Variants in RGS3 observed in about 807,000 individuals in gnomAD.
The protein encoded by RGS3 is regulator of G protein signaling 3.
A neutral mutation model predicts 132.6 loss-of-function variants in RGS3; 80 were observed. The ratio of observed to expected loss-of-function variants is 0.60; its 90% confidence interval spans 0.50 to 0.73. The LOEUF (loss-of-function observed/expected upper bound fraction) is 0.73. Among genes scored for constraint, RGS3 ranks in the 30% least tolerant of loss-of-function variants. The pLI is 0.00. For missense variants in RGS3, 1,382 were observed against 1,530.8 expected (o/e 0.90, Z 1.62); for synonymous variants, 598 against 620.6 (o/e 0.96, Z 0.54).
At position 113,449,699 on chromosome 9, in the gene RGS3, T is replaced by G. The variant is rs189809055; in HGVS notation, c.-13+4772T>G. Among the ~76,000 whole-genome samples, 25 of 152,314 alleles carry G rather than the reference T, an allele frequency of 1.6e-4. 1 individual carries two copies. Among genetic ancestry groups the G allele is most frequent in the Non-Finnish European group, 8.8e-5 (6 of 68,022 alleles). On this transcript the variant is annotated intron_variant, in intron 1 of 25. Transcript: ENST00000374140. ...ATGATTTATGTCTTATACACTGATTTTAGAACCAAATTCCCAAGCCAGATT... is the reference window on the plus strand; with the variant it reads ...ATGATTTATGTCTTATACACTGATTGTAGAACCAAATTCCCAAGCCAGATT...
Position 113,484,088 on chromosome 9 carries a change from T to C in RGS3, c.526-50T>C, listed in dbSNP as rs375978084. 1.5e-5 allele frequency: 17 copies of C among 1,125,874 alleles called. No homozygotes were observed. In the African/African-American group the frequency reaches 2.6e-4, roughly 17 times the overall value. 69.7% of individuals were successfully genotyped at this position (1,125,874 alleles called of 1,614,324 possible). On this transcript the variant is annotated intron_variant, in intron 5 of 24. Transcript: ENST00000350696. ...GATGTGCAGAGTCAGCTGCTGGGCTTAGGTGGGCCATGAGATCCGCTAATC... is the reference window on the plus strand; with the variant it reads ...GATGTGCAGAGTCAGCTGCTGGGCTCAGGTGGGCCATGAGATCCGCTAATC...
At chr9:113,562,952 C>T (rs983635269) in intron 19 of RGS3, among the ~76,000 whole-genome samples, 7 of 152,360 alleles carry the variant, frequency 4.6e-5, no homozygotes, top group Non-Finnish European at 8.8e-5. Context: ...CCCTATCCTG[C>T]CCTAGGCTAT....
intron 19 of RGS3, among the ~76,000 whole-genome samples, chr9:113,556,584 C>A (rs1020332069): frequency 6.6e-6 from 1 of 152,172 alleles, no homozygotes; most frequent in Non-Finnish European, 1.5e-5. Context: ...TAATCCCAAG[C>A]ACCTGGCTCC....
chr9:113,597,509 C>T (rs531767687), exon 25 of RGS3: 2 of 152,936 alleles, frequency 1.3e-5, no homozygotes, highest in East Asian at 1.9e-4. Context: ...CAAAGGTGGA[C>T]ACCATTCTCC....
chr9:113,595,683 A>G (rs760486637), exon 24 of RGS3: 8 of 1,614,078 alleles, frequency 5.0e-6, no homozygotes, highest in Non-Finnish European at 6.8e-6. Flanking sequence ...GAGGACTTCA[A>G]GAAGGTCAAG....
At chr9:113,546,225 C>T (rs1040809337) in intron 19 of RGS3, among the ~76,000 whole-genome samples, 4 of 152,200 alleles carry the variant, frequency 2.6e-5, no homozygotes, top group Admixed American at 2.0e-4. Context: ...GTTGACTGCC[C>T]TCCTTGGCTG....
intron 19 of RGS3, among the ~76,000 whole-genome samples, chr9:113,567,299 G>T (rs1834057817): frequency 7.1e-6 from 1 of 139,922 alleles, no homozygotes; most frequent in African/African-American, 2.7e-5. Context: ...ACTCCAGCCA[G>T]AATGAGTCTG....
At chr9:113,522,710 TG>T (rs1302890773) in intron 16 of RGS3, 2 of 541,470 alleles carry the variant, frequency 3.7e-6, no homozygotes, top group Admixed American at 3.2e-5. Context: ...CTTTGAGGAG[TG>T]GAAGTATAGG....
intron 1 of RGS3, among the ~76,000 whole-genome samples, chr9:113,452,925 T>TC (rs1200271666): frequency 2.1e-4 from 29 of 136,606 alleles, no homozygotes; most frequent in African/African-American, 7.9e-4. Context: ...TATTTATATA[T>TC]AATATATAAA....
intron 18 of RGS3, chr9:113,536,502 T>C: frequency 9.2e-7 from 1 of 1,082,792 alleles, no homozygotes; most frequent in Non-Finnish European, 1.1e-6. Context: ...GGGGGTGACC[T>C]CATCGGCTCT....
intron 19 of RGS3, among the ~76,000 whole-genome samples, chr9:113,547,037 G>A (rs1833145199): frequency 6.6e-6 from 1 of 152,162 alleles, no homozygotes; most frequent in South Asian, 2.1e-4. Flanking sequence ...ATAAAGATGA[G>A]GATAAAGTAG....
chr9:113,514,407 C>A (rs112116840), intron 14 of RGS3, 51 bp from the exon 13 acceptor site: 2 of 1,537,122 alleles, frequency 1.3e-6, no homozygotes, highest in African/African-American at 1.4e-5. Flanking sequence ...GAGGGGACAC[C>A]TTTGCAGGAG....
exon 8 of RGS3, chr9:113,495,798 C>A: frequency 6.2e-7 from 1 of 1,614,150 alleles, no homozygotes; most frequent in Non-Finnish European, 8.5e-7. Context: ...AGAGTGGACT[C>A]ATTGGCTGCA....
At chr9:113,587,850 C>G (rs1428345571) in intron 20 of RGS3, among the ~76,000 whole-genome samples, 1 of 152,220 alleles carries the variant, frequency 6.6e-6, no homozygotes, top group African/African-American at 2.4e-5. Flanking sequence ...CTGGCCATCC[C>G]CTGGGTGTGG....
intron 1 of RGS3, among the ~76,000 whole-genome samples, chr9:113,460,903 T>C (rs1829455409): frequency 6.6e-6 from 1 of 152,214 alleles, no homozygotes; most frequent in Non-Finnish European, 1.5e-5. Flanking sequence ...TTTAAAAAAA[T>C]GCCTAAAATC....
chr9:113,462,261 G>T, intron 3 of RGS3: 1 of 1,107,280 alleles, frequency 9.0e-7, no homozygotes, highest in South Asian at 1.4e-5. Flanking sequence ...GTTAAAGGCA[G>T]TGTTCACCAT....
intron 4 of RGS3, 102 bp from the exon 3 acceptor site, chr9:113,482,957 C>T (rs1830211197): frequency 6.3e-7 from 1 of 1,594,258 alleles, no homozygotes; most frequent in Non-Finnish European, 8.5e-7. Flanking sequence ...TTTCAGGTCT[C>T]TTTATTCGTG....
chr9:113,521,704 T>C (rs2119405340), intron 16 of RGS3, among the ~76,000 whole-genome samples: 1 of 152,364 alleles, frequency 6.6e-6, no homozygotes, highest in South Asian at 2.1e-4. Flanking sequence ...GCTGAGAACA[T>C]CCTCATATGT....
At chr9:113,557,749 C>T (rs1014814937) in intron 19 of RGS3, among the ~76,000 whole-genome samples, 11 of 152,042 alleles carry the variant, frequency 7.2e-5, no homozygotes, top group Admixed American at 4.6e-4. Context: ...CTAATGAGAG[C>T]GCCTACTGGG....
Sources: allele counts gnomAD v4.1 joint callset (sites outside exome capture counted in the v4.1 genomes callset), GRCh38; gene constraint gnomAD v4.1.1; transcripts MANE v1.5; gene names NCBI Gene and HGNC (gene_info 2026-07-23, HGNC 2026-07-21).